The following EPHA3 variants were observed in gnomAD, a reference collection of about 807,000 sequenced individuals.
EPHA3 encodes the protein ephrin type-A receptor 3.
In EPHA3, 42 loss-of-function variants were observed where a neutral mutation model predicts 107.1. The ratio of observed to expected loss-of-function variants is 0.39; its 90% CI spans 0.31 to 0.51. The LOEUF (loss-of-function observed/expected upper bound fraction) is 0.51, where lower values mean the gene tolerates loss of function less well. Ranked by LOEUF, EPHA3 falls within the 20% of genes least tolerant of loss-of-function variation. The pLI, the probability that EPHA3 is intolerant of heterozygous loss-of-function variation, is 0.78. For synonymous variants in EPHA3, 461 were observed against 424.8 expected, an observed-to-expected ratio of 1.09 and a Z score of -1.05; for missense variants, 1,183 against 1,211.2, an observed-to-expected ratio of 0.98 and a Z score of 0.35.
chr3:89,198,731 G>A (rs4132275), intron 2 of EPHA3, among the ~76,000 whole-genome samples: 90,054 of 152,012 alleles, frequency 0.59, 28,483 homozygotes, highest in Non-Finnish European at 0.7. Context: ...TTCCGTCACC[G>A]GGAGTGCTCC....
chr3:89,452,592 T>A (rs1576386248), intron 15 of EPHA3, among the ~76,000 whole-genome samples: 1 of 152,310 alleles, frequency 6.6e-6, no homozygotes, highest in African/African-American at 2.4e-5. Context: ...ATATTTTGGA[T>A]ATTAGCCACC....
chr3:89,397,342 A>G (rs1708869757), intron 6 of EPHA3, among the ~76,000 whole-genome samples: 1 of 152,204 alleles, frequency 6.6e-6, no homozygotes, highest in Non-Finnish European at 1.5e-5. Flanking sequence ...CAGAAGTGTG[A>G]CAAGATAGAA....
chr3:89,443,299 TACA>T (rs2107548038), intron 13 of EPHA3, among the ~76,000 whole-genome samples: 1 of 152,286 alleles, frequency 6.6e-6, no homozygotes, highest in South Asian at 2.1e-4. Context: ...ACATAATCCA[TACA>T]ACATCCTGTG....
chr3:89,279,672 C>T (rs1705893864), intron 3 of EPHA3, among the ~76,000 whole-genome samples: 1 of 151,902 alleles, frequency 6.6e-6, no homozygotes, highest in African/African-American at 2.4e-5. Flanking sequence ...AGAGTGGGTC[C>T]TGCAACACTT....
chr3:89,180,879 G>A (rs1393718788), intron 2 of EPHA3, among the ~76,000 whole-genome samples: 1 of 151,942 alleles, frequency 6.6e-6, no homozygotes, highest in Non-Finnish European at 1.5e-5. Context: ...AGACTTGCTT[G>A]TATAGGAGGA....
chr3:89,245,852 G>T (rs568000077), intron 3 of EPHA3, among the ~76,000 whole-genome samples: 23 of 152,296 alleles, frequency 1.5e-4, no homozygotes, highest in African/African-American at 5.3e-4. Context: ...TACAAGGACA[G>T]CTTTTCTAAT....
At position 89,302,903 on chromosome 3, in the gene EPHA3, A is replaced by C. The variant is rs551135948; in HGVS notation, c.815-38013A>C. ...ACTTATTCTTTTTTTATTTTATTTA[A>C]TTTTTTTGAGACAGGGTCTCACTCT... On this transcript the variant is annotated intron_variant, in intron 3 of 16. Transcript: ENST00000336596. 2.4e-3 allele frequency among the ~76,000 whole-genome samples: 369 copies of C among 151,826 alleles called. 1 individual carries two copies. The highest frequency in any genetic ancestry group is 8.3e-3 in the African/African-American group (344 of 41,412).
At position 89,346,052 on chromosome 3, in the gene EPHA3, A is replaced by G. The variant is rs201194430; in HGVS notation, c.1306+3962A>G. ...TTTGGGTTGGTTCCAAGTCTTTGCT[A>G]TTGTGAATAATGCCTCAATAAACAT... On this transcript the variant is annotated intron_variant, in intron 5 of 16. Transcript: ENST00000336596. Among the ~76,000 whole-genome samples the G allele has an allele frequency of 1.4e-4, 19 of 135,694 alleles. No individual in the cohort carries two copies. The East Asian group carries it at 3.8e-3, about 27-fold the overall frequency. 89.0% of individuals were successfully genotyped at this position (135,694 alleles called of 152,430 possible).
At chr3:89,267,655 T>A (rs558410199) in intron 3 of EPHA3, among the ~76,000 whole-genome samples, 21 of 152,264 alleles carry the variant, frequency 1.4e-4, no homozygotes, top group South Asian at 8.3e-4. Flanking sequence ...TATTTTTTTT[T>A]AAATTAACTT....
chr3:89,460,326 C>G (rs1193933056), intron 15 of EPHA3, among the ~76,000 whole-genome samples: 2 of 143,742 alleles, frequency 1.4e-5, no homozygotes, highest in African/African-American at 5.2e-5. Flanking sequence ...ATATTTAGAA[C>G]GAGGTTTTAA....
At chr3:89,378,704 A>G (rs1708447538) in intron 5 of EPHA3, among the ~76,000 whole-genome samples, 1 of 152,206 alleles carries the variant, frequency 6.6e-6, no homozygotes, top group South Asian at 2.1e-4. Context: ...GAACCTAAAT[A>G]CATACATTGG....
intron 5 of EPHA3, among the ~76,000 whole-genome samples, chr3:89,372,774 C>T (rs1161505312): frequency 6.6e-6 from 1 of 151,698 alleles, no homozygotes; most frequent in Non-Finnish European, 1.5e-5. Flanking sequence ...AGACAGTTAC[C>T]TTAAAACATA....
chr3:89,210,296 T>C lies in EPHA3; in HGVS notation c.590T>C (p.Val197Ala). ...GACVALVSVR[V>A]YFKKCPFTVK... ...TGTGTTGCCTTGGTGTCTGTGAGAG[T>C]ATACTTCAAAAAGTGCCCATTTACA... is the stretch of plus-strand genomic sequence containing the variant. Residue 197 changes from valine (V) to alanine (A), a missense_variant, in exon 3 of 17, where the codon GTA becomes GCA. Transcript: ENST00000336596. 1.2e-6 allele frequency: 2 copies of C among 1,613,798 alleles called. No homozygotes were observed. Among genetic ancestry groups the C allele is most frequent in the Admixed American group, 1.7e-5 (1 of 59,980 alleles).
At chr3:89,198,461 A>G (rs1705896662) in intron 2 of EPHA3, among the ~76,000 whole-genome samples, 1 of 149,474 alleles carries the variant, frequency 6.7e-6, no homozygotes, top group Non-Finnish European at 1.5e-5. Context: ...TTATCTCTAC[A>G]GGTTAGACCC....
chr3:89,423,285 G>T (rs1389995027), intron 11 of EPHA3, among the ~76,000 whole-genome samples: 1 of 151,264 alleles, frequency 6.6e-6, no homozygotes, highest in Non-Finnish European at 1.5e-5. Flanking sequence ...ATCTGTAGTG[G>T]CATGAGTATC....
chr3:89,441,398 G>A (rs1273880159), intron 13 of EPHA3, among the ~76,000 whole-genome samples: 1 of 152,188 alleles, frequency 6.6e-6, no homozygotes, highest in Non-Finnish European at 1.5e-5. Flanking sequence ...CAAGCAACTG[G>A]AAGCTTTTCT....
At chr3:89,163,995 C>T (rs1705004846) in intron 2 of EPHA3, among the ~76,000 whole-genome samples, 1 of 151,972 alleles carries the variant, frequency 6.6e-6, no homozygotes, top group African/African-American at 2.4e-5. Flanking sequence ...GAGCAACAAA[C>T]CAGAGTACCA....
intron 3 of EPHA3, among the ~76,000 whole-genome samples, chr3:89,281,391 C>T (rs1705945151): frequency 1.3e-5 from 2 of 152,100 alleles, no homozygotes; most frequent in Admixed American, 1.3e-4. Context: ...TTGCCCAAGA[C>T]CAAAAACCAC....
chr3:89,208,460 A>AAGAAAGAAAGAAAGAAAG (rs1706172800), intron 2 of EPHA3, among the ~76,000 whole-genome samples: 11 of 105,056 alleles, frequency 1.0e-4, no homozygotes, highest in South Asian at 6.0e-4. Flanking sequence ...GAAAGAAAGA[A>AAGAAAGAAAGAAAGAAAG]AGAAAGAAAG....
Sources: allele counts gnomAD v4.1 joint callset (sites outside exome capture counted in the v4.1 genomes callset), GRCh38; gene constraint gnomAD v4.1.1; transcripts MANE v1.5; gene names NCBI Gene and HGNC (gene_info 2026-07-23, HGNC 2026-07-21).